NRXN1: variants seen among roughly 807,000 people sequenced by gnomAD.
NRXN1 encodes the protein neurexin 1.
A neutral mutation model predicts 150.9 loss-of-function variants in NRXN1; 39 were observed. That is an observed-to-expected ratio of 0.26 (90% CI 0.20 to 0.34). NRXN1 has a LOEUF of 0.34. Ranked by LOEUF, NRXN1 falls within the 10% of genes least tolerant of loss-of-function variation. NRXN1 has a pLI of 1.00. For missense variants in NRXN1, 1,815 were observed against 1,949.9 expected, an observed-to-expected ratio of 0.93 and a Z score of 1.30; for synonymous variants, 924 against 757.0, an observed-to-expected ratio of 1.22 and a Z score of -3.62.
chr2:50,675,351 T>C (rs1689402462), intron 5 of NRXN1, among the ~76,000 whole-genome samples: 1 of 152,136 alleles, frequency 6.6e-6, no homozygotes, highest in African/African-American at 2.4e-5. Context: ...TCCTCAAGTA[T>C]TTTGGGCTGC....
intron 5 of NRXN1, among the ~76,000 whole-genome samples, chr2:50,861,262 G>A (rs1163476408): frequency 6.6e-6 from 1 of 151,984 alleles, no homozygotes; most frequent in Admixed American, 6.6e-5. Context: ...TCTCAACCTG[G>A]AGTGCAGTGA....
chr2:50,578,084 G>T (rs1390332851), intron 8 of NRXN1, among the ~76,000 whole-genome samples: 1 of 152,104 alleles, frequency 6.6e-6, no homozygotes, highest in East Asian at 1.9e-4. Flanking sequence ...ATTTGGTACT[G>T]CTCATTCCAC....
At chr2:50,256,790 AGTTCAGATCCTGAAAT>A (rs1164960603) in intron 17 of NRXN1, among the ~76,000 whole-genome samples, 2 of 152,086 alleles carry the variant, frequency 1.3e-5, no homozygotes, top group African/African-American at 4.8e-5. Flanking sequence ...TGTTTATTCT[AGTTCAGATCCTGAAAT>A]GTGTCTGCAT....
At chr2:51,013,405 T>C (rs1219217851) in intron 2 of NRXN1, among the ~76,000 whole-genome samples, 1 of 151,730 alleles carries the variant, frequency 6.6e-6, no homozygotes, top group African/African-American at 2.4e-5. Flanking sequence ...ACATATTTTA[T>C]GCAAATGTAT....
In NRXN1 at chr2:50,911,182, C is replaced by T. The variant is rs147626048; in HGVS notation, c.832+10687G>A. ...ATCTATGAATAGAGCTTCCCTAGAC[C>T]CTAAAGTTGCCCTCTCAGGCTGCTG... On this transcript the variant is annotated intron_variant, in intron 5 of 22. Coordinates refer to ENST00000401669, the MANE Select transcript of NRXN1 (RefSeq NM_001330078.2). 2.7e-3 allele frequency among the ~76,000 whole-genome samples: 408 copies of T among 151,506 alleles called. 1 individual carries two copies. Among genetic ancestry groups the T allele is most frequent in the African/African-American group, 9.5e-3 (392 of 41,410 alleles).
chr2:50,632,485 TATC>T (rs1263762930), intron 5 of NRXN1: 7 of 152,022 alleles, frequency 4.6e-5, no homozygotes, highest in Admixed American at 3.9e-4. Context: ...TGAAGGACAG[TATC>T]ATCAGCATTA....
chr2:50,217,829 T>A (rs1243868276), intron 18 of NRXN1, among the ~76,000 whole-genome samples: 1 of 152,122 alleles, frequency 6.6e-6, no homozygotes, highest in Non-Finnish European at 1.5e-5. Flanking sequence ...ACTTCTCTTT[T>A]CATCTAACTT....
At chr2:50,592,739 G>C (rs1022653899) in intron 8 of NRXN1, among the ~76,000 whole-genome samples, 7 of 152,108 alleles carry the variant, frequency 4.6e-5, no homozygotes, top group Non-Finnish European at 7.4e-5. Flanking sequence ...TTTTGATACA[G>C]GTATCTAGTT....
chr2:50,400,753 G>C (rs924391459), intron 17 of NRXN1, among the ~76,000 whole-genome samples: 1 of 152,174 alleles, frequency 6.6e-6, no homozygotes, highest in Non-Finnish European at 1.5e-5. Flanking sequence ...AAAAAAGTGT[G>C]CTTTGGGCAA....
At chr2:50,742,878 G>A (rs191996337) in intron 5 of NRXN1, among the ~76,000 whole-genome samples, 8 of 152,174 alleles carry the variant, frequency 5.3e-5, no homozygotes, top group African/African-American at 1.7e-4. Flanking sequence ...TCACATTAAA[G>A]GTGAGGAAAA....
chr2:50,661,813 C>T (rs1158504320), intron 5 of NRXN1, among the ~76,000 whole-genome samples: 1 of 152,046 alleles, frequency 6.6e-6, no homozygotes, highest in Non-Finnish European at 1.5e-5. Context: ...TAATTAGAAA[C>T]TGAAATGCTT....
At chr2:50,503,324 A>T (rs1266757164) in intron 13 of NRXN1, among the ~76,000 whole-genome samples, 1 of 151,876 alleles carries the variant, frequency 6.6e-6, no homozygotes, top group Non-Finnish European at 1.5e-5. Context: ...ACAAAAAAAA[A>T]AAGAAAGAAA....
chr2:50,644,280 C>G (rs10182729), intron 5 of NRXN1, among the ~76,000 whole-genome samples: 1 of 151,318 alleles, frequency 6.6e-6, no homozygotes, highest in African/African-American at 2.4e-5. Flanking sequence ...TGTTAGGTAA[C>G]TGAATTGGAA....
chr2:50,106,283 T>C (rs1032414286), intron 18 of NRXN1, among the ~76,000 whole-genome samples: 3 of 151,996 alleles, frequency 2.0e-5, no homozygotes, highest in Admixed American at 6.6e-5. Flanking sequence ...GGGATGATTA[T>C]ATCCAAGATG....
At chr2:50,238,210 A>G (rs1200061131) in intron 17 of NRXN1, among the ~76,000 whole-genome samples, 3 of 152,000 alleles carry the variant, frequency 2.0e-5, no homozygotes, top group African/African-American at 7.2e-5. Flanking sequence ...TGGTTCTATT[A>G]TTTTGAGGTC....
At chr2:50,716,260 T>A (rs536431064) in intron 5 of NRXN1, among the ~76,000 whole-genome samples, 1 of 152,148 alleles carries the variant, frequency 6.6e-6, no homozygotes, top group Non-Finnish European at 1.5e-5. Context: ...GAGAGACTGA[T>A]ATAAGACAAC....
chr2:50,691,992 C>G (rs1224585768), intron 5 of NRXN1, among the ~76,000 whole-genome samples: 3 of 152,128 alleles, frequency 2.0e-5, no homozygotes, highest in African/African-American at 7.2e-5. Context: ...TAGTTTATAT[C>G]CTGCACTGAT....
chr2:50,619,283 T>C (rs1221806910), intron 8 of NRXN1: 1 of 152,158 alleles, frequency 6.6e-6, no homozygotes, highest in Non-Finnish European at 1.5e-5. Flanking sequence ...GAAATTGGAT[T>C]GTGTCTGAAT....
intron 17 of NRXN1, among the ~76,000 whole-genome samples, chr2:50,433,344 A>C (rs1386212564): frequency 6.6e-6 from 1 of 152,216 alleles, no homozygotes; most frequent in Admixed American, 6.5e-5. Flanking sequence ...AAATTTAAAT[A>C]TATGAGTGCA....
Sources: gnomAD v4.1 joint callset for allele counts (sites outside exome capture counted in the v4.1 genomes callset) on GRCh38, gnomAD v4.1.1 for gene constraint, MANE v1.5 for transcripts, NCBI Gene and HGNC (gene_info 2026-07-23, HGNC 2026-07-21) for gene names.